Variants in CFAP251 observed in about 807,000 individuals in gnomAD.
CFAP251 encodes the protein cilia and flagella associated protein 251.
A neutral mutation model predicts 126.7 loss-of-function variants in CFAP251; 93 were observed. The ratio of observed to expected loss-of-function variants is 0.73; its 90% CI spans 0.62 to 0.87. The LOEUF (loss-of-function observed/expected upper bound fraction) is 0.87. CFAP251 is among the 40% of genes least tolerant of loss of function. The pLI is 0.00. For missense variants in CFAP251, 1,287 were observed against 1,389.2 expected, an observed-to-expected ratio of 0.93 and a Z score of 1.17; for synonymous variants, 503 against 506.9, an observed-to-expected ratio of 0.99 and a Z score of 0.10.
intron 19 of CFAP251, among the ~76,000 whole-genome samples, chr12:121,978,134 T>C (rs1213033554): frequency 1.3e-5 from 2 of 151,422 alleles, no homozygotes; most frequent in African/African-American, 4.8e-5. Context: ...GGCTCACGCC[T>C]GTAATCCCAG....
intron 16 of CFAP251, among the ~76,000 whole-genome samples, chr12:121,967,803 G>T (rs1474208708): frequency 6.6e-6 from 1 of 152,232 alleles, no homozygotes; most frequent in Non-Finnish European, 1.5e-5. Flanking sequence ...CTGTGTACCT[G>T]TTAGAGCTGT....
intron 19 of CFAP251, among the ~76,000 whole-genome samples, chr12:121,992,761 T>G (rs980370176): frequency 5.9e-5 from 9 of 151,934 alleles, no homozygotes; most frequent in Non-Finnish European, 1.2e-4. Context: ...TTGTCTTTTT[T>G]GTAGAGACAG....
chr12:121,921,294 C>G lies in CFAP251; in HGVS notation c.-12C>G, dbSNP rs1880160033. 1.9e-6 allele frequency: 3 copies of G among 1,568,134 alleles called. No homozygotes were observed. Among genetic ancestry groups the G allele is most frequent in the South Asian group, 2.5e-5 (2 of 81,574 alleles). On this transcript the variant is annotated 5_prime_UTR_variant, in exon 2 of 22. Coordinates refer to ENST00000288912, the MANE Select transcript of CFAP251 (RefSeq NM_144668.6). Reference sequence around the variant, plus strand: ...GGTCAAAATCTCTCTAGAGGAAACTCTACAGAGAAGAATGTCAGATGCAGC... The same window carrying G: ...GGTCAAAATCTCTCTAGAGGAAACTGTACAGAGAAGAATGTCAGATGCAGC...
At chr12:121,958,166 A>G in intron 11 of CFAP251, 106 bp from the exon 12 acceptor site, 1 of 1,483,582 alleles carries the variant, frequency 6.7e-7, no homozygotes, top group Non-Finnish European at 9.1e-7. Flanking sequence ...TAATGTCACT[A>G]AATTACAGAC....
intron 1 of CFAP251, 144 bp from the exon 2 acceptor site, chr12:121,921,142 C>T (rs1880153166): frequency 2.1e-6 from 2 of 932,088 alleles, no homozygotes; most frequent in African/African-American, 1.7e-5. Flanking sequence ...AGCCACCGTG[C>T]CTGGTCAGAA....
At chr12:121,978,407 A>AAATAAAAT (rs1565920339) in intron 19 of CFAP251, among the ~76,000 whole-genome samples, 4 of 148,986 alleles carry the variant, frequency 2.7e-5, no homozygotes, top group Admixed American at 1.3e-4. Context: ...AAAAAAAAAA[A>AAATAAAAT]AAAAAAAAAA....
chr12:121,977,761 C>G (rs1464230592), intron 19 of CFAP251, among the ~76,000 whole-genome samples: 1 of 151,358 alleles, frequency 6.6e-6, no homozygotes, highest in East Asian at 2.0e-4. Context: ...CGAGACCATC[C>G]TGGCTAACAC....
chr12:121,980,550 G>T (rs1469207081), intron 19 of CFAP251, among the ~76,000 whole-genome samples: 1 of 151,816 alleles, frequency 6.6e-6, no homozygotes, highest in African/African-American at 2.4e-5. Flanking sequence ...GTTTCTCCAT[G>T]TTGGCCAGAC....
intron 13 of CFAP251, 130 bp downstream of exon 13, chr12:121,959,224 G>A: frequency 2.0e-6 from 2 of 1,002,142 alleles, no homozygotes; most frequent in South Asian, 3.8e-5. Flanking sequence ...ATCATTGGAG[G>A]ACAGGAATTC....
intron 10 of CFAP251, among the ~76,000 whole-genome samples, chr12:121,954,578 A>G (rs1314074779): frequency 1.5e-5 from 2 of 135,738 alleles, no homozygotes; most frequent in East Asian, 2.5e-4. Flanking sequence ...CGAGGCTGCA[A>G]TGAGCTATCA....
Position 121,969,599 on chromosome 12 carries a change from C to T in CFAP251, c.2771+1430C>T, listed in dbSNP as rs769706985. ...CTCCTGGGCTCAAACAATTCTCCTGCCTCAGCCTCCTGAGTAGCTGGGACC... is the reference window on the plus strand; with the variant it reads ...CTCCTGGGCTCAAACAATTCTCCTGTCTCAGCCTCCTGAGTAGCTGGGACC... On this transcript the variant is annotated intron_variant, in intron 17 of 21. Transcript: ENST00000288912. 2.2e-4 allele frequency: 170 copies of T among 787,466 alleles called. 1 individual carries two copies. The highest frequency in any genetic ancestry group is 2.4e-4 in the Non-Finnish European group (155 of 649,666). 48.8% of individuals were successfully genotyped at this position (787,466 alleles called of 1,614,324 possible).
chr12:121,922,255 C>T (rs1156277996), intron 2 of CFAP251, among the ~76,000 whole-genome samples: 2 of 151,886 alleles, frequency 1.3e-5, no homozygotes, highest in East Asian at 1.9e-4. Context: ...TACAGGCGTC[C>T]GCCACCTCGC....
intron 5 of CFAP251, among the ~76,000 whole-genome samples, chr12:121,941,740 T>C (rs1881124823): frequency 6.6e-6 from 1 of 152,224 alleles, no homozygotes; most frequent in Admixed American, 6.5e-5. Context: ...AGCAGTACCA[T>C]GATGACTGTG....
At chr12:121,940,178 A>G (rs1881053472) in intron 5 of CFAP251, among the ~76,000 whole-genome samples, 1 of 152,230 alleles carries the variant, frequency 6.6e-6, no homozygotes, top group Non-Finnish European at 1.5e-5. Context: ...TGGTATGTCA[A>G]ATTCACTTAA....
At chr12:121,939,891 G>A (rs1592972129) in intron 5 of CFAP251, among the ~76,000 whole-genome samples, 1 of 152,184 alleles carries the variant, frequency 6.6e-6, no homozygotes, top group South Asian at 2.1e-4. Flanking sequence ...TACAAATTTG[G>A]TTATTAACTC....
In CFAP251 at chr12:121,965,894, A is replaced by G. The variant is rs1448398099; in HGVS notation, c.2493-1061A>G. On this transcript the variant is annotated intron_variant, in intron 15 of 21. Transcript: ENST00000288912. The stretch of plus-strand genomic sequence containing the variant: ...GAGTGCAGTGGCATGATCTCAGCTC[A>G]CTGCAGCCTCGACCTCCCAGGCTCA... 2.8e-5 allele frequency among the ~76,000 whole-genome samples: 4 copies of G among 144,148 alleles called. No homozygotes were observed. In the East Asian group the frequency reaches 8.1e-4, roughly 29 times the overall value. The allele number at this position is 144,148 out of a possible 152,430, so 94.6% of individuals were successfully genotyped here.
chr12:121,926,942 TCAAA>T (rs376861827), intron 3 of CFAP251, among the ~76,000 whole-genome samples: 8 of 152,164 alleles, frequency 5.3e-5, no homozygotes, highest in South Asian at 2.1e-4. Flanking sequence ...AGACTCTGTT[TCAAA>T]CAAACAAACA....
chr12:121,968,638 G>A (rs1333868950), intron 17 of CFAP251, among the ~76,000 whole-genome samples: 1 of 151,786 alleles, frequency 6.6e-6, no homozygotes, highest in African/African-American at 2.4e-5. Flanking sequence ...AGGTGAAAGG[G>A]ATAATATGAG....
chr12:121,981,314 A>G (rs116730643), intron 19 of CFAP251, among the ~76,000 whole-genome samples: 3,548 of 151,002 alleles, frequency 0.023, 129 homozygotes, highest in African/African-American at 0.082. Flanking sequence ...TCTACAAAAA[A>G]TAAAAAAAAA....
Sources: allele counts gnomAD v4.1 joint callset (sites outside exome capture counted in the v4.1 genomes callset), GRCh38; gene constraint gnomAD v4.1.1; transcripts MANE v1.5; gene names NCBI Gene and HGNC (gene_info 2026-07-23, HGNC 2026-07-21).